Variants in RALGPS1 observed in about 807,000 individuals in gnomAD.
The protein encoded by RALGPS1 is Ral GEF with PH domain and SH3 binding motif 1, also known as ras-specific guanine nucleotide-releasing factor RalGPS1.
A neutral mutation model predicts 78.8 loss-of-function variants in RALGPS1; 19 were observed. The observed-to-expected ratio is 0.24, with a 90% CI of 0.17 to 0.35. The LOEUF is 0.35. RALGPS1 is among the 10% of genes least tolerant of loss of function. RALGPS1 has a pLI of 1.00. For synonymous variants in RALGPS1, 228 were observed against 256.3 expected (o/e 0.89, Z 1.06); for missense variants, 454 against 688.3 (o/e 0.66, Z 3.81).
chr9:127,147,852 T>C (rs1370960470), intron 8 of RALGPS1, among the ~76,000 whole-genome samples: 1 of 152,198 alleles, frequency 6.6e-6, no homozygotes, highest in Non-Finnish European at 1.5e-5. Context: ...TTACTATTGG[T>C]GTATTAAAGG....
In RALGPS1 at chr9:127,166,945, A is replaced by G. The variant is rs139568777; in HGVS notation, c.748+739A>G. On this transcript the variant is annotated intron_variant, in intron 9 of 18. Coordinates refer to ENST00000259351, the MANE Select transcript of RALGPS1 (RefSeq NM_014636.3). Reference sequence around the variant, plus strand: ...CAGACTTGGGGTGTGGAGCTTGACTATGAGCCAGGTGCTCAAGTCTTCTGG... The same window carrying G: ...CAGACTTGGGGTGTGGAGCTTGACTGTGAGCCAGGTGCTCAAGTCTTCTGG... 4.2e-3 allele frequency among the ~76,000 whole-genome samples: 624 copies of G among 149,538 alleles called. 5 individuals carry two copies. Among genetic ancestry groups the G allele is most frequent in the African/African-American group, 0.015 (589 of 40,592 alleles).
intron 7 of RALGPS1, among the ~76,000 whole-genome samples, chr9:127,057,558 A>T (rs1015305225): frequency 1.3e-5 from 2 of 152,236 alleles, no homozygotes; most frequent in African/African-American, 4.8e-5. Context: ...TGCCATCTGC[A>T]TACACAAACA....
intron 1 of RALGPS1, among the ~76,000 whole-genome samples, chr9:126,938,961 T>A (rs2036514535): frequency 6.6e-6 from 1 of 152,192 alleles, no homozygotes; most frequent in Non-Finnish European, 1.5e-5. Context: ...AGAAGCAGGC[T>A]GGGTGTGGCC....
chr9:126,916,096 C>T (rs1303701111), intron 1 of RALGPS1, among the ~76,000 whole-genome samples: 1 of 152,184 alleles, frequency 6.6e-6, no homozygotes, highest in Non-Finnish European at 1.5e-5. Context: ...ACAGTGCCTA[C>T]TGAGCAAATC....
intron 11 of RALGPS1, among the ~76,000 whole-genome samples, chr9:127,191,628 A>C (rs2061038651): frequency 6.6e-6 from 1 of 151,752 alleles, no homozygotes; most frequent in Non-Finnish European, 1.5e-5. Context: ...TTTTCTTCAG[A>C]ATAGTCTTGG....
At chr9:126,985,956 C>T (rs953876296) in intron 4 of RALGPS1, among the ~76,000 whole-genome samples, 11 of 152,242 alleles carry the variant, frequency 7.2e-5, no homozygotes, top group African/African-American at 1.7e-4. Flanking sequence ...CACTGCCAAG[C>T]GAGGGCGTGT....
At chr9:127,112,159 T>C (rs537435972) in intron 8 of RALGPS1, among the ~76,000 whole-genome samples, 2 of 152,358 alleles carry the variant, frequency 1.3e-5, no homozygotes, top group East Asian at 3.9e-4. Flanking sequence ...CAGGCCTCTC[T>C]GAGGCTAGGC....
chr9:126,982,379 C>CT (rs1210766512), intron 4 of RALGPS1, among the ~76,000 whole-genome samples: 3 of 152,272 alleles, frequency 2.0e-5, no homozygotes, highest in African/African-American at 4.8e-5. Flanking sequence ...CGTCACCTCT[C>CT]TAAGTTTTGG....
intron 8 of RALGPS1, among the ~76,000 whole-genome samples, chr9:127,150,965 C>T (rs967751732): frequency 1.3e-5 from 2 of 152,068 alleles, no homozygotes; most frequent in African/African-American, 4.8e-5. Context: ...GGGCGGATCA[C>T]GAGCTCAGGA....
intron 14 of RALGPS1, among the ~76,000 whole-genome samples, chr9:127,209,318 T>A (rs1390391617): frequency 6.6e-6 from 1 of 152,220 alleles, no homozygotes; most frequent in Non-Finnish European, 1.5e-5. Flanking sequence ...CAGCATGTGG[T>A]GCCGGTAACA....
intron 14 of RALGPS1, among the ~76,000 whole-genome samples, chr9:127,204,664 GGGGTGGTGCTGTA>G (rs2061836099): frequency 6.6e-6 from 1 of 152,182 alleles, no homozygotes; most frequent in Non-Finnish European, 1.5e-5. Flanking sequence ...AGAGTGCTGT[GGGGTGGTGCTGTA>G]GGGCGTTCAG....
chr9:127,095,762 C>T (rs1309402718), intron 8 of RALGPS1, among the ~76,000 whole-genome samples: 1 of 152,248 alleles, frequency 6.6e-6, no homozygotes, highest in Non-Finnish European at 1.5e-5. Context: ...TTGGGCTCAA[C>T]TAGTTCACAC....
At chr9:126,952,662 T>A (rs911277124) in intron 1 of RALGPS1, among the ~76,000 whole-genome samples, 1 of 106,006 alleles carries the variant, frequency 9.4e-6, no homozygotes, top group South Asian at 5.2e-4. Context: ...AGAGAGTGTG[T>A]GTGTGTGTGT....
At chr9:127,106,118 A>G (rs1483414587) in intron 8 of RALGPS1, among the ~76,000 whole-genome samples, 1 of 152,244 alleles carries the variant, frequency 6.6e-6, no homozygotes, top group Non-Finnish European at 1.5e-5. Context: ...GTTCAAGCCC[A>G]GGAATGTCCT....
chr9:127,053,468 T>C (rs1045191965), intron 7 of RALGPS1, among the ~76,000 whole-genome samples: 1 of 152,230 alleles, frequency 6.6e-6, no homozygotes, highest in African/African-American at 2.4e-5. Context: ...TTTTCTGCTG[T>C]AAAAATACTT....
intron 4 of RALGPS1, among the ~76,000 whole-genome samples, chr9:126,998,082 G>A (rs1037265654): frequency 6.6e-6 from 1 of 152,114 alleles, no homozygotes; most frequent in Non-Finnish European, 1.5e-5. Flanking sequence ...AGAAAACCTA[G>A]GCAATACCAT....
At chr9:126,942,812 C>T (rs1219282816) in intron 1 of RALGPS1, among the ~76,000 whole-genome samples, 2 of 152,218 alleles carry the variant, frequency 1.3e-5, no homozygotes, top group East Asian at 1.9e-4. Flanking sequence ...TCTCCTTATT[C>T]CAGGGAGTGA....
rs957347118 is a variant in RALGPS1, at chr9:127,122,164, C to T, written c.611-43905C>T. Among the ~76,000 whole-genome samples, 1 of 152,186 alleles carries T rather than the reference C, an allele frequency of 6.6e-6. No homozygotes were observed. Among genetic ancestry groups the T allele is most frequent in the African/African-American group, 2.4e-5 (1 of 41,444 alleles). ...CACAGGTTCTGCCCCGGACATGCCT[C>T]GTTTGGCTCCAAGCGATAGCAGGGA... On this transcript the variant is annotated intron_variant, in intron 8 of 18. Coordinates refer to ENST00000259351, the MANE Select transcript of RALGPS1 (RefSeq NM_014636.3). The surrounding 1 kb of genome is among the most constrained non-coding windows in gnomAD (Gnocchi z 6.4).
At chr9:127,171,310 C>T (rs2059553761) in intron 10 of RALGPS1, among the ~76,000 whole-genome samples, 1 of 152,062 alleles carries the variant, frequency 6.6e-6, no homozygotes, top group Non-Finnish European at 1.5e-5. Context: ...TTGGATTCTA[C>T]TACACTGGCT....
Sources: gnomAD v4.1 joint callset for allele counts (sites outside exome capture counted in the v4.1 genomes callset) on GRCh38, gnomAD v4.1.1 for gene constraint, Gnocchi (gnomAD v3.1) non-coding constraint, MANE v1.5 for transcripts, NCBI Gene and HGNC (gene_info 2026-07-23, HGNC 2026-07-21) for gene names.